Variants in LRRC4C observed in about 807,000 individuals in gnomAD.
LRRC4C encodes the protein leucine rich repeat containing 4C.
In LRRC4C, 5 loss-of-function variants were observed where a neutral mutation model predicts 33.6. The ratio of observed to expected loss-of-function variants is 0.15; its 90% CI spans 0.08 to 0.31. LRRC4C has a LOEUF of 0.31. Ranked by LOEUF, LRRC4C falls within the 10% of genes least tolerant of loss-of-function variation. The pLI is 1.00. For synonymous variants in LRRC4C, 329 were observed against 302.0 expected (o/e 1.09, Z -0.93); for missense variants, 560 against 796.7 (o/e 0.70, Z 3.58).
chr11:40,758,316 A>G (rs1202248716), intron 2 of LRRC4C, among the ~76,000 whole-genome samples: 1 of 151,812 alleles, frequency 6.6e-6, no homozygotes, highest in African/African-American at 2.4e-5. Context: ...GATTCTTTGG[A>G]TTTATGTATT....
chr11:40,444,621 A>C (rs1034616115), intron 3 of LRRC4C, among the ~76,000 whole-genome samples: 1 of 152,112 alleles, frequency 6.6e-6, no homozygotes, highest in East Asian at 1.9e-4. Context: ...GATATTTATA[A>C]AGATTTACTT....
chr11:40,149,678 C>T (rs1389056027), intron 5 of LRRC4C, among the ~76,000 whole-genome samples: 27 of 151,716 alleles, frequency 1.8e-4, no homozygotes, highest in Admixed American at 1.8e-3. Context: ...CTGGTAAGGC[C>T]CCTCTGAAAA....
chr11:40,503,577 A>C (rs1287588184), intron 3 of LRRC4C, among the ~76,000 whole-genome samples: 1 of 152,184 alleles, frequency 6.6e-6, no homozygotes, highest in Non-Finnish European at 1.5e-5. Flanking sequence ...TCAGTCTTTC[A>C]ATCTATTTAA....
At chr11:40,944,773 G>T (rs1958315267) in intron 1 of LRRC4C, among the ~76,000 whole-genome samples, 1 of 152,180 alleles carries the variant, frequency 6.6e-6, no homozygotes, top group Non-Finnish European at 1.5e-5. Flanking sequence ...AGTATAATAA[G>T]TCAGAACAGT....
chr11:40,852,963 G>A (rs536126042), intron 2 of LRRC4C, among the ~76,000 whole-genome samples: 1 of 152,292 alleles, frequency 6.6e-6, no homozygotes, highest in East Asian at 1.9e-4. Flanking sequence ...GAGCTGATAT[G>A]ATCTAATATA....
chr11:40,329,805 A>C (rs2136926364), intron 3 of LRRC4C, among the ~76,000 whole-genome samples: 1 of 142,506 alleles, frequency 7.0e-6, no homozygotes, highest in South Asian at 2.2e-4. Flanking sequence ...GCAGTGGTGC[A>C]GTCTTGGCTC....
intron 1 of LRRC4C, among the ~76,000 whole-genome samples, chr11:41,185,115 G>A (rs564882307): frequency 6.6e-6 from 1 of 152,156 alleles, no homozygotes; most frequent in African/African-American, 2.4e-5. Context: ...AACTCAAGAT[G>A]AGATTTCGGT....
In LRRC4C at chr11:41,371,779, CAA is replaced by C. The variant is rs143932003; in HGVS notation, c.-496+87650_-496+87651del. Reference sequence around the variant, plus strand: ...CCTTTCAAAGATTTTGCTAGGCAAACAAGAGATTTTTACCACATATTCACATA... The same window carrying C: ...CCTTTCAAAGATTTTGCTAGGCAAACGAGATTTTTACCACATATTCACATA... On this transcript the variant is annotated intron_variant, in intron 1 of 6. Transcript: ENST00000528697. Among the ~76,000 whole-genome samples the C allele has an allele frequency of 3.7e-3, 564 of 152,270 alleles. 2 individuals are homozygous for C. Among genetic ancestry groups the C allele is most frequent in the African/African-American group, 0.013 (521 of 41,538 alleles).
At chr11:40,296,984 T>C (rs1271319932) in intron 4 of LRRC4C, among the ~76,000 whole-genome samples, 1 of 152,202 alleles carries the variant, frequency 6.6e-6, no homozygotes, top group Admixed American at 6.5e-5. Flanking sequence ...ATTTCTACTT[T>C]TGTTCTTCTC....
chr11:40,448,023 G>A (rs1277228054), intron 3 of LRRC4C, among the ~76,000 whole-genome samples: 1 of 152,014 alleles, frequency 6.6e-6, no homozygotes, highest in Non-Finnish European at 1.5e-5. Context: ...CACCATGTTG[G>A]CCAAGCTGGT....
At chr11:40,310,532 G>A (rs1415028773) in intron 4 of LRRC4C, among the ~76,000 whole-genome samples, 1 of 152,218 alleles carries the variant, frequency 6.6e-6, no homozygotes, top group African/African-American at 2.4e-5. Context: ...ATCGGCACAT[G>A]CATGATTTGT....
At chr11:40,514,980 C>G (rs1221597207) in intron 3 of LRRC4C, among the ~76,000 whole-genome samples, 1 of 152,124 alleles carries the variant, frequency 6.6e-6, no homozygotes, top group Non-Finnish European at 1.5e-5. Flanking sequence ...AAAACATCCA[C>G]ACCATATCTT....
chr11:41,008,010 T>C (rs562730347), intron 1 of LRRC4C, among the ~76,000 whole-genome samples: 3 of 152,262 alleles, frequency 2.0e-5, no homozygotes, highest in South Asian at 4.1e-4. Flanking sequence ...TCCATATTCT[T>C]CCATTTTCTT....
intron 1 of LRRC4C, among the ~76,000 whole-genome samples, chr11:40,943,361 C>G (rs1347714345): frequency 6.6e-6 from 1 of 152,174 alleles, no homozygotes; most frequent in Admixed American, 6.6e-5. Context: ...CAGTTCTCAG[C>G]TGCTTGACTT....
chr11:40,487,538 G>T (rs1953925063), intron 3 of LRRC4C, among the ~76,000 whole-genome samples: 1 of 152,036 alleles, frequency 6.6e-6, no homozygotes, highest in Admixed American at 6.6e-5. Flanking sequence ...CATAGGTATT[G>T]TGAAGAGTAG....
At chr11:40,876,997 G>A (rs1485319341) in intron 2 of LRRC4C, among the ~76,000 whole-genome samples, 1 of 151,842 alleles carries the variant, frequency 6.6e-6, no homozygotes, top group Non-Finnish European at 1.5e-5. Flanking sequence ...TCACTTTTGT[G>A]AGTAAGAGAA....
chr11:40,868,880 T>C (rs1208669976), intron 2 of LRRC4C, among the ~76,000 whole-genome samples: 2 of 152,184 alleles, frequency 1.3e-5, no homozygotes, highest in Admixed American at 6.6e-5. Flanking sequence ...AAGTAAGTCA[T>C]ACAGAAGGAA....
intron 3 of LRRC4C, among the ~76,000 whole-genome samples, chr11:40,366,996 A>G (rs1034031818): frequency 3.9e-5 from 6 of 152,106 alleles, no homozygotes; most frequent in African/African-American, 1.4e-4. Flanking sequence ...TCTGAGACAT[A>G]GAGAAATGCA....
At chr11:40,615,420 C>A (rs896212164) in intron 3 of LRRC4C, among the ~76,000 whole-genome samples, 1 of 151,264 alleles carries the variant, frequency 6.6e-6, no homozygotes, top group African/African-American at 2.4e-5. Flanking sequence ...TGTGTTACTT[C>A]TGATGATTAT....
Sources: gnomAD v4.1 joint callset for allele counts (sites outside exome capture counted in the v4.1 genomes callset) on GRCh38, gnomAD v4.1.1 for gene constraint, MANE v1.5 for transcripts, NCBI Gene and HGNC (gene_info 2026-07-23, HGNC 2026-07-21) for gene names.